Variants in PIGU observed in about 807,000 individuals in gnomAD.
The protein encoded by PIGU is GPI-anchor transamidase component PIGU.
Under a neutral mutation model 49.9 loss-of-function variants are expected in PIGU, and 24 were observed. The observed-to-expected ratio is 0.48, with a 90% CI of 0.35 to 0.68. The LOEUF (loss-of-function observed/expected upper bound fraction) is 0.68. Ranked by LOEUF, PIGU falls within the 30% of genes least tolerant of loss-of-function variation. The pLI is 0.01. For synonymous variants in PIGU, 220 were observed against 205.7 expected (o/e 1.07, Z -0.59); for missense variants, 490 against 532.6 (o/e 0.92, Z 0.79).
chr20:34,631,336 C>T lies in PIGU; in HGVS notation c.529+3279G>A, dbSNP rs145569511. 5.2e-3 allele frequency among the ~76,000 whole-genome samples: 795 copies of T among 151,638 alleles called. 3 individuals carry two copies. The highest frequency in any genetic ancestry group is 9.6e-3 in the Non-Finnish European group (649 of 67,846). On this transcript the variant is annotated intron_variant, in intron 6 of 11. Transcript: ENST00000217446. The stretch of plus-strand genomic sequence containing the variant: ...CATAACTTAATCAATCAAGAAAATC[C>T]AACATCCAATAAACATCCAAAACAA...
intron 2 of PIGU, among the ~76,000 whole-genome samples, chr20:34,650,565 G>A (rs1200717467): frequency 1.3e-5 from 2 of 151,354 alleles, no homozygotes; most frequent in East Asian, 1.9e-4. Flanking sequence ...CACTGCATCC[G>A]GCTGATCACA....
At chr20:34,585,604 G>C (rs769499121) in intron 8 of PIGU, 24 bp from the exon 9 acceptor site, 198 of 1,606,400 alleles carry the variant, frequency 1.2e-4, no homozygotes, top group Non-Finnish European at 1.6e-4. Context: ...AACAAAGGGA[G>C]AGAAAAAAGA....
rs1251412106 is a variant in PIGU at position 34,560,833 on chromosome 20, C to T, written c.*33G>A. 69 of 1,488,438 alleles carry T rather than the reference C, an allele frequency of 4.6e-5. No homozygotes were observed. Among genetic ancestry groups the T allele is most frequent in the Non-Finnish European group, 3.1e-5 (34 of 1,089,538 alleles). The allele number at this position is 1,488,438 out of a possible 1,614,324, so 92.2% of individuals were successfully genotyped here. A position where few individuals can be genotyped will look rare whatever the true frequency, so the allele number is the denominator to read the frequency against. On this transcript the variant is annotated 3_prime_UTR_variant, in exon 12 of 12. Coordinates refer to ENST00000217446, the MANE Select transcript of PIGU (RefSeq NM_080476.5). ...GGCCCAGCTTCTGGCCCCACAGCCC[C>T]CTGAGGTCCATGCAGCCCTGTGCCA...
At chr20:34,571,859 C>A (rs573206453) in intron 11 of PIGU, among the ~76,000 whole-genome samples, 4 of 152,180 alleles carry the variant, frequency 2.6e-5, no homozygotes, top group African/African-American at 4.8e-5. Context: ...CCTCAGTCAG[C>A]GCTCTGGGAC....
intron 7 of PIGU, among the ~76,000 whole-genome samples, chr20:34,610,536 C>G (rs1239222272): frequency 6.6e-6 from 1 of 152,142 alleles, no homozygotes; most frequent in East Asian, 1.9e-4. Flanking sequence ...CTGCAAACCA[C>G]TGCTCAAGGA....
chr20:34,576,463 G>A (rs1367273105), intron 10 of PIGU, among the ~76,000 whole-genome samples: 1 of 152,026 alleles, frequency 6.6e-6, no homozygotes, highest in Non-Finnish European at 1.5e-5. Context: ...ATCTCTAGAG[G>A]AGAACCCCTT....
intron 7 of PIGU, among the ~76,000 whole-genome samples, chr20:34,590,577 G>GTAACGTAACATAACATAACATAACA (rs1422731264): frequency 2.1e-5 from 3 of 140,536 alleles, no homozygotes; most frequent in African/African-American, 8.1e-5. Context: ...ATAGCGTAAC[G>GTAACGTAACATAACATAACATAACA]TAACATAACA....
intron 9 of PIGU, among the ~76,000 whole-genome samples, chr20:34,584,958 G>T (rs754327577): frequency 6.6e-6 from 1 of 152,198 alleles, no homozygotes. Flanking sequence ...AAAGTGCTGG[G>T]ATTATATGCG....
At chr20:34,666,455 T>G (rs1050696443) in intron 1 of PIGU, among the ~76,000 whole-genome samples, 11 of 151,796 alleles carry the variant, frequency 7.2e-5, no homozygotes, top group African/African-American at 2.7e-4. Context: ...TGTAAGTTTT[T>G]TTTTTTTTGA....
intron 5 of PIGU, among the ~76,000 whole-genome samples, chr20:34,636,543 CAAAT>C (rs567495165): frequency 6.6e-6 from 1 of 151,854 alleles, no homozygotes; most frequent in Non-Finnish European, 1.5e-5. Context: ...GACTCCGTCT[CAAAT>C]AAATAAATAA....
intron 6 of PIGU, among the ~76,000 whole-genome samples, chr20:34,630,413 CA>C (rs1385930323): frequency 6.6e-6 from 1 of 152,092 alleles, no homozygotes; most frequent in African/African-American, 2.4e-5. Context: ...CTCCACCCCA[CA>C]AAAAAACCCT....
chr20:34,637,774 A>C (rs1986012934), intron 5 of PIGU, 102 bp downstream of exon 5: 11 of 1,572,240 alleles, frequency 7.0e-6, no homozygotes, highest in Middle Eastern at 1.8e-4. Flanking sequence ...TTGATGACTA[A>C]GATTGCAAAT....
At chr20:34,660,290 G>GA (rs540435688) in intron 1 of PIGU, among the ~76,000 whole-genome samples, 31 of 152,170 alleles carry the variant, frequency 2.0e-4, no homozygotes, top group African/African-American at 7.5e-4. Context: ...TTTGCAAGGG[G>GA]AAAAATAAAA....
intron 1 of PIGU, among the ~76,000 whole-genome samples, chr20:34,669,059 T>A (rs961252104): frequency 4.6e-5 from 7 of 151,796 alleles, no homozygotes; most frequent in African/African-American, 1.7e-4. Context: ...AACTCTTTTT[T>A]AATTTTATGT....
At position 34,637,856 on chromosome 20, in the gene PIGU, T is replaced by C; in HGVS notation, c.428+20A>G. On this transcript the variant is annotated intron_variant, in intron 5 of 11. Coordinates refer to ENST00000217446, the MANE Select transcript of PIGU (RefSeq NM_080476.5). Reference sequence around the variant, plus strand: ...CTCGCATTTGTTGGCACTAAGCCTGTTTTGTCAGGGAATACTTACAACAGG... The same window carrying C: ...CTCGCATTTGTTGGCACTAAGCCTGCTTTGTCAGGGAATACTTACAACAGG... The C allele has an allele frequency of 6.2e-7, 1 of 1,604,486 alleles. No individual in the cohort carries two copies. Among genetic ancestry groups the C allele is most frequent in the South Asian group, 1.1e-5 (1 of 88,546 alleles).
intron 1 of PIGU, among the ~76,000 whole-genome samples, chr20:34,658,847 G>A (rs1344913834): frequency 3.3e-5 from 5 of 150,014 alleles, no homozygotes; most frequent in South Asian, 4.2e-4. Flanking sequence ...CAGCCACCCC[G>A]TCTGGGAAGT....
At chr20:34,609,953 A>C (rs1600625664) in intron 7 of PIGU, among the ~76,000 whole-genome samples, 1 of 151,180 alleles carries the variant, frequency 6.6e-6, no homozygotes, top group African/African-American at 2.4e-5. Flanking sequence ...TTTGCTTGGC[A>C]CCTCTCCTTC....
intron 6 of PIGU, 116 bp downstream of exon 6, chr20:34,634,499 A>T (rs1453936256): frequency 2.9e-6 from 4 of 1,360,004 alleles, no homozygotes; most frequent in African/African-American, 1.5e-5. Flanking sequence ...TGTAATTTTT[A>T]AAAATGTTTT....
intron 9 of PIGU, 80 bp from the exon 10 acceptor site, chr20:34,581,752 G>T: frequency 6.6e-7 from 1 of 1,514,858 alleles, no homozygotes; most frequent in Admixed American, 1.9e-5. Flanking sequence ...TCCATCCTTT[G>T]AACCAAAAAT....
Sources: gnomAD v4.1 joint callset for allele counts (sites outside exome capture counted in the v4.1 genomes callset) on GRCh38, gnomAD v4.1.1 for gene constraint, MANE v1.5 for transcripts, NCBI Gene and HGNC (gene_info 2026-07-23, HGNC 2026-07-21) for gene names.